WWOX: variants seen among roughly 807,000 people sequenced by gnomAD.
WWOX encodes WW domain containing oxidoreductase.
WWOX carries 69 observed loss-of-function variants against 46.2 expected under a neutral mutation model. That is an observed-to-expected ratio of 1.49 (90% CI 1.23 to 1.82). The LOEUF is 1.82. Ranked by LOEUF, WWOX falls within the 40% of genes most tolerant of loss-of-function variation. WWOX has a pLI of 0.00. For missense variants in WWOX, 919 were observed against 542.6 expected (o/e 1.69, Z -6.89); for synonymous variants, 359 against 202.6 (o/e 1.77, Z -6.56).
chr16:78,890,180 C>G (rs550445923), intron 8 of WWOX: 3 of 152,258 alleles, frequency 2.0e-5, no homozygotes, highest in South Asian at 4.1e-4. Context: ...TACACACTGA[C>G]ACATAGATTT....
rs757195574 is a variant in WWOX, at chr16:78,263,996, C to CTTTTTTTTTTTTTTTTTTTTTTTTT, written c.516+99726_516+99727insTTTTTTTTTTTTTTTTTTTTTTTTT. 9.0e-4 allele frequency among the ~76,000 whole-genome samples: 71 copies of CTTTTTTTTTTTTTTTTTTTTTTTTT among 78,820 alleles called. 18 individuals carry two copies. The highest frequency in any genetic ancestry group is 1.1e-3 in the East Asian group (2 of 1,894). The allele number at this position is 78,820 out of a possible 152,430, so 51.7% of individuals were successfully genotyped here. A position where few individuals can be genotyped will look rare whatever the true frequency, so the allele number is the denominator to read the frequency against. ...AGAAATATGTGTTTGGCTGTGAAAT[C>CTTTTTTTTTTTTTTTTTTTTTTTTT]TTTTTTTTTTTTTTTTTTTGTTTTT... On this transcript the variant is annotated intron_variant, in intron 5 of 8. Coordinates refer to ENST00000566780, the MANE Select transcript of WWOX (RefSeq NM_016373.4).
chr16:79,146,993 GT>G (rs1160276930), intron 8 of WWOX, among the ~76,000 whole-genome samples: 1 of 152,156 alleles, frequency 6.6e-6, no homozygotes, highest in African/African-American at 2.4e-5. Flanking sequence ...TCTTAGCTCA[GT>G]TTCCCCCAGT....
At chr16:79,133,400 C>T (rs889059329) in intron 8 of WWOX, among the ~76,000 whole-genome samples, 3 of 152,110 alleles carry the variant, frequency 2.0e-5, no homozygotes, top group African/African-American at 7.2e-5. Flanking sequence ...AGATTGATGT[C>T]AATATAAACT....
intron 8 of WWOX, among the ~76,000 whole-genome samples, chr16:79,085,511 C>T (rs2048838060): frequency 2.0e-5 from 3 of 152,138 alleles, no homozygotes; most frequent in Admixed American, 6.5e-5. Flanking sequence ...TCCTTCACCA[C>T]CTAGAAAACT....
intron 8 of WWOX, among the ~76,000 whole-genome samples, chr16:78,847,884 C>A (rs948288392): frequency 6.6e-6 from 1 of 152,270 alleles, no homozygotes; most frequent in Non-Finnish European, 1.5e-5. Flanking sequence ...GCATGACAAG[C>A]GGTCAGATAC....
chr16:78,694,341 C>T (rs1364013998), intron 8 of WWOX, among the ~76,000 whole-genome samples: 1 of 152,206 alleles, frequency 6.6e-6, no homozygotes, highest in Non-Finnish European at 1.5e-5. Flanking sequence ...ATGGTCTTTA[C>T]TGCTTCTGCA....
intron 8 of WWOX, among the ~76,000 whole-genome samples, chr16:78,452,693 A>G (rs1475070538): frequency 1.3e-5 from 2 of 150,534 alleles, no homozygotes; most frequent in Non-Finnish European, 3.0e-5. Context: ...CCAGGCTGGT[A>G]TCGAATTCCT....
intron 8 of WWOX, among the ~76,000 whole-genome samples, chr16:79,208,323 G>T (rs1005322138): frequency 3.3e-5 from 5 of 151,446 alleles, no homozygotes; most frequent in Non-Finnish European, 5.9e-5. Context: ...CACCTCCCCC[G>T]TTTCCCATGA....
intron 8 of WWOX, among the ~76,000 whole-genome samples, chr16:79,036,809 A>G (rs886536549): frequency 6.6e-6 from 1 of 152,168 alleles, no homozygotes; most frequent in Non-Finnish European, 1.5e-5. Context: ...TTCAGAAGAG[A>G]TGAACTGTGC....
intron 8 of WWOX, among the ~76,000 whole-genome samples, chr16:78,499,908 C>G (rs568616451): frequency 4.6e-5 from 7 of 152,248 alleles, no homozygotes; most frequent in African/African-American, 1.7e-4. Flanking sequence ...ACATTCCTGG[C>G]CTTGCCTAAA....
intron 8 of WWOX, among the ~76,000 whole-genome samples, chr16:78,469,145 G>C (rs2084159247): frequency 6.6e-6 from 1 of 152,164 alleles, no homozygotes; most frequent in South Asian, 2.1e-4. Context: ...CCTCAGGTTT[G>C]AAGTTGCAAG....
At chr16:79,147,101 G>T (rs202182291) in intron 8 of WWOX, among the ~76,000 whole-genome samples, 1 of 152,184 alleles carries the variant, frequency 6.6e-6, no homozygotes, top group East Asian at 1.9e-4. Flanking sequence ...GTACTCAAGT[G>T]TGTATATGTG....
intron 5 of WWOX, chr16:78,280,826 A>G (rs2079664624): frequency 6.6e-6 from 1 of 152,268 alleles, no homozygotes; most frequent in African/African-American, 2.4e-5. Context: ...AGTTCTTGGA[A>G]ATATTTCTGA....
At chr16:79,026,018 C>G (rs2047633696) in intron 8 of WWOX, among the ~76,000 whole-genome samples, 1 of 151,462 alleles carries the variant, frequency 6.6e-6, no homozygotes, top group South Asian at 2.1e-4. Context: ...GCAGGCTGGT[C>G]TCAAATTCCT....
chr16:78,860,868 A>C (rs2043867419), intron 8 of WWOX, among the ~76,000 whole-genome samples: 1 of 152,030 alleles, frequency 6.6e-6, no homozygotes, highest in South Asian at 2.1e-4. Context: ...ATAGGGTCTC[A>C]CTCTGTCACC....
intron 8 of WWOX, among the ~76,000 whole-genome samples, chr16:78,575,050 T>TAA (rs1567655109): frequency 5.7e-4 from 7 of 12,284 alleles, no homozygotes; most frequent in Non-Finnish European, 1.0e-3. Flanking sequence ...TATATATATA[T>TAA]ATATATATAT....
chr16:78,531,005 C>G (rs1263754112), intron 8 of WWOX, among the ~76,000 whole-genome samples: 3 of 152,182 alleles, frequency 2.0e-5, no homozygotes, highest in African/African-American at 7.2e-5. Flanking sequence ...ATTGGAATTT[C>G]AAAGCAATCT....
chr16:78,490,765 G>C (rs1164850742), intron 8 of WWOX, among the ~76,000 whole-genome samples: 1 of 152,176 alleles, frequency 6.6e-6, no homozygotes, highest in Non-Finnish European at 1.5e-5. Flanking sequence ...ACCTTACCAA[G>C]CACCCCTTAC....
intron 8 of WWOX, among the ~76,000 whole-genome samples, chr16:78,779,588 A>G (rs966590303): frequency 6.6e-6 from 1 of 152,164 alleles, no homozygotes; most frequent in African/African-American, 2.4e-5. Flanking sequence ...AAGTCTATGA[A>G]TAGAGTATAT....
Sources: allele counts gnomAD v4.1 joint callset (sites outside exome capture counted in the v4.1 genomes callset), GRCh38; gene constraint gnomAD v4.1.1; transcripts MANE v1.5; gene names NCBI Gene and HGNC (gene_info 2026-07-23, HGNC 2026-07-21).